Variants in SYT14 observed in about 807,000 individuals in gnomAD.
SYT14 encodes synaptotagmin-14.
SYT14 carries 32 observed loss-of-function variants against 74.2 expected under a neutral mutation model. The ratio of observed to expected loss-of-function variants is 0.43; its 90% confidence interval spans 0.33 to 0.58. The LOEUF is 0.58. SYT14 is among the 20% of genes least tolerant of loss of function. The probability of loss-of-function intolerance (pLI) is 0.05; values close to 1 mark genes in which losing one functional copy is unlikely to be tolerated. For synonymous variants in SYT14, 298 were observed against 337.7 expected (o/e 0.88, Z 1.29); for missense variants, 791 against 981.8 (o/e 0.81, Z 2.60).
At chr1:209,957,707 G>A (rs1400192502) in intron 2 of SYT14, among the ~76,000 whole-genome samples, 3 of 151,864 alleles carry the variant, frequency 2.0e-5, no homozygotes, top group African/African-American at 4.8e-5. Flanking sequence ...GATTACAGGC[G>A]TGAACCACCC....
intron 2 of SYT14, among the ~76,000 whole-genome samples, chr1:209,953,740 T>C (rs1392727270): frequency 1.3e-5 from 2 of 152,220 alleles, no homozygotes; most frequent in African/African-American, 4.8e-5. Context: ...TACTAGTTTA[T>C]CTGTGAGTCA....
At chr1:210,144,262 C>G (rs544436078) in intron 7 of SYT14, among the ~76,000 whole-genome samples, 2 of 152,048 alleles carry the variant, frequency 1.3e-5, no homozygotes, top group Non-Finnish European at 2.9e-5. Context: ...CTCAATTAAA[C>G]AGAAATGACA....
intron 5 of SYT14, among the ~76,000 whole-genome samples, chr1:210,023,676 A>G (rs1325528474): frequency 6.6e-6 from 1 of 152,174 alleles, no homozygotes; most frequent in East Asian, 1.9e-4. Flanking sequence ...AAAAAAAGAT[A>G]CAGAGAGTAG....
chr1:210,117,629 A>G (rs922375793), intron 7 of SYT14, among the ~76,000 whole-genome samples: 2 of 152,196 alleles, frequency 1.3e-5, no homozygotes, highest in Non-Finnish European at 2.9e-5. Context: ...TCACAGAGAA[A>G]GTAAATGAGC....
intron 7 of SYT14, among the ~76,000 whole-genome samples, chr1:210,110,115 CAG>C (rs1160608077): frequency 4.6e-5 from 7 of 152,128 alleles, no homozygotes; most frequent in East Asian, 1.9e-4. Context: ...CGAGGCCTGT[CAG>C]GGGATTGAGG....
intron 5 of SYT14, among the ~76,000 whole-genome samples, chr1:210,090,973 G>A (rs2081855742): frequency 6.6e-6 from 1 of 152,076 alleles, no homozygotes; most frequent in Non-Finnish European, 1.5e-5. Context: ...AAGATAAAAG[G>A]GGGTGGTAAT....
At chr1:209,967,527 G>A (rs61820387) in intron 2 of SYT14, among the ~76,000 whole-genome samples, 2,514 of 152,130 alleles carry the variant, frequency 0.017, 21 homozygotes, top group Middle Eastern at 0.034. Flanking sequence ...ATCTATTCCT[G>A]AGTGAGCTTT....
chr1:209,986,107 G>T (rs763666177), intron 2 of SYT14, among the ~76,000 whole-genome samples: 15 of 152,200 alleles, frequency 9.9e-5, no homozygotes, highest in Non-Finnish European at 2.2e-4. Context: ...GGAAGTGGTT[G>T]CTCCGCAGCC....
intron 2 of SYT14, among the ~76,000 whole-genome samples, chr1:209,972,977 A>G (rs905803521): frequency 2.6e-5 from 4 of 152,130 alleles, no homozygotes; most frequent in Non-Finnish European, 4.4e-5. Flanking sequence ...TTGTGTGTCT[A>G]AGTCTTTTCA....
intron 1 of SYT14, among the ~76,000 whole-genome samples, chr1:209,943,167 A>G (rs78588372): frequency 6.8e-4 from 103 of 152,324 alleles, no homozygotes; most frequent in African/African-American, 2.1e-3. Flanking sequence ...CTAACCGACT[A>G]CACAAAATTA....
At chr1:210,018,227 G>A (rs868550440) in intron 4 of SYT14, among the ~76,000 whole-genome samples, 1 of 152,054 alleles carries the variant, frequency 6.6e-6, no homozygotes, top group African/African-American at 2.4e-5. Context: ...TCTGCCTCCC[G>A]GGTTCAAGCG....
At chr1:209,969,726 G>A (rs900134257) in intron 2 of SYT14, among the ~76,000 whole-genome samples, 8 of 151,982 alleles carry the variant, frequency 5.3e-5, no homozygotes, top group East Asian at 3.9e-4. Context: ...TGATCCACCC[G>A]TCTTGGCCTC....
At chr1:210,142,017 C>G (rs954275876) in intron 7 of SYT14, among the ~76,000 whole-genome samples, 2 of 152,244 alleles carry the variant, frequency 1.3e-5, no homozygotes, top group African/African-American at 4.8e-5. Context: ...ACACTTGCCA[C>G]TGATTGTTTC....
At chr1:210,161,735 G>C (rs557066512) in exon 10 of SYT14, 17 of 453,794 alleles carry the variant, frequency 3.7e-5, no homozygotes, top group South Asian at 2.6e-4. Context: ...GATCCAAAGA[G>C]ACCAAGTCAC....
At chr1:210,094,768 C>G (rs2081940220) in intron 6 of SYT14, among the ~76,000 whole-genome samples, 175 bp downstream of exon 5, 1 of 152,126 alleles carries the variant, frequency 6.6e-6, no homozygotes, top group Non-Finnish European at 1.5e-5. Flanking sequence ...AATGTCCCAA[C>G]TAGTCTTCAG....
intron 5 of SYT14, among the ~76,000 whole-genome samples, chr1:210,027,762 A>G (rs1057040187): frequency 6.6e-6 from 1 of 152,192 alleles, no homozygotes; most frequent in South Asian, 2.1e-4. Flanking sequence ...AAGGGGAAAT[A>G]ATCTTGACTC....
chr1:209,943,079 A>T (rs1434389468), intron 1 of SYT14, among the ~76,000 whole-genome samples: 2 of 152,208 alleles, frequency 1.3e-5, no homozygotes, highest in Non-Finnish European at 2.9e-5. Context: ...AGACTTTCAA[A>T]AGCCATTTGA....
chr1:210,095,676 A>G (rs2081956145), intron 6 of SYT14, among the ~76,000 whole-genome samples: 1 of 152,232 alleles, frequency 6.6e-6, no homozygotes, highest in African/African-American at 2.4e-5. Flanking sequence ...ATTAAATAAT[A>G]GGTGTAGTTT....
chr1:210,108,520 A>C (rs1186927474), intron 7 of SYT14, among the ~76,000 whole-genome samples: 1 of 152,178 alleles, frequency 6.6e-6, no homozygotes, highest in Non-Finnish European at 1.5e-5. Context: ...TGGCTATAAC[A>C]ATAGGAAGAA....
Sources: gnomAD v4.1 joint callset for allele counts (sites outside exome capture counted in the v4.1 genomes callset) on GRCh38, gnomAD v4.1.1 for gene constraint, MANE v1.5 for transcripts, NCBI Gene and HGNC (gene_info 2026-07-23, HGNC 2026-07-21) for gene names.